Variants in TPPP observed in about 807,000 individuals in gnomAD.
TPPP encodes the protein tubulin polymerization promoting protein, also known as tubulin polymerization-promoting protein.
Under a neutral mutation model 15.5 loss-of-function variants are expected in TPPP, and 6 were observed. That is an observed-to-expected ratio of 0.39 (90% CI 0.21 to 0.77). The LOEUF is 0.77. Ranked by LOEUF, TPPP falls within the 30% of genes least tolerant of loss-of-function variation. The probability of loss-of-function intolerance (pLI) is 0.42; values close to 1 mark genes in which losing one functional copy is unlikely to be tolerated. For synonymous variants in TPPP, 146 were observed against 133.9 expected (o/e 1.09, Z -0.63); for missense variants, 269 against 307.2 (o/e 0.88, Z 0.93).
chr5:668,759 A>ACCAAACC (rs1446462726), intron 2 of TPPP, among the ~76,000 whole-genome samples: 1 of 152,244 alleles, frequency 6.6e-6, no homozygotes. Flanking sequence ...GCTCGTAGTC[A>ACCAAACC]CCAAACCCCA....
At chr5:693,201 G>A (rs1229343818) in intron 1 of TPPP, 77 bp downstream of exon 1, 2 of 141,650 alleles carry the variant, frequency 1.4e-5, no homozygotes, top group East Asian at 4.2e-4. Flanking sequence ...GGTGGCTGCT[G>A]GGGCTGACGG....
intron 2 of TPPP, among the ~76,000 whole-genome samples, chr5:675,422 G>A (rs377734403): frequency 1.7e-5 from 2 of 118,366 alleles, no homozygotes; most frequent in South Asian, 3.1e-4. Context: ...AGTGTGGCCA[G>A]GGGTGCAGCA....
chr5:670,291 G>A lies in TPPP; in HGVS notation c.312-4168C>T, dbSNP rs577678667. 1.8e-4 allele frequency among the ~76,000 whole-genome samples: 28 copies of A among 152,298 alleles called. No individual in the cohort carries two copies. The South Asian group carries it at 5.6e-3, about 30-fold the overall frequency. ...CCCATGGTGCCCTCTCTGAGGGGCG[G>A]GGGCCGGCGGGCGAGGTGACAGCTA... On this transcript the variant is annotated intron_variant, in intron 2 of 3. Coordinates refer to ENST00000360578, the MANE Select transcript of TPPP (RefSeq NM_007030.3).
chr5:693,600 G>A (rs1222926294), upstream of TPPP, among the ~76,000 whole-genome samples: 1 of 151,726 alleles, frequency 6.6e-6, no homozygotes, highest in Non-Finnish European at 1.5e-5. Flanking sequence ...AGCGCAGGGC[G>A]CGGCCGACCC....
chr5:693,528 C>T (rs928741072), upstream of TPPP: 4 of 151,706 alleles, frequency 2.6e-5, no homozygotes, highest in Non-Finnish European at 5.9e-5. Flanking sequence ...GCGGGCGCAC[C>T]GAGACCTCTG....
intron 2 of TPPP, among the ~76,000 whole-genome samples, chr5:671,662 A>AGT (rs1443195861): frequency 6.6e-6 from 1 of 152,170 alleles, no homozygotes; most frequent in Non-Finnish European, 1.5e-5. Context: ...TGAGGCCACA[A>AGT]GCTCCTGAAC....
At chr5:693,360 C>A (rs1186327929), upstream of TPPP, 4 of 148,934 alleles carry the variant, frequency 2.7e-5, no homozygotes, top group Non-Finnish European at 4.5e-5. Context: ...TCTCCAGCCG[C>A]CGCCCCGCGC....
chr5:694,037 GC>G (rs1740972140), upstream of TPPP, among the ~76,000 whole-genome samples: 2 of 129,060 alleles, frequency 1.5e-5, no homozygotes, highest in East Asian at 2.3e-4. Flanking sequence ...GAGGAGCGGA[GC>G]GCGCACCCCT....
intron 2 of TPPP, among the ~76,000 whole-genome samples, chr5:677,125 G>A (rs1000382831): frequency 5.9e-5 from 9 of 152,390 alleles, no homozygotes; most frequent in Middle Eastern, 3.4e-3. Flanking sequence ...TCAAGGTGGT[G>A]GCCGGAGCCG....
intron 1 of TPPP, among the ~76,000 whole-genome samples, chr5:688,824 G>A (rs560813063): frequency 1.4e-4 from 17 of 121,484 alleles, no homozygotes; most frequent in South Asian, 5.4e-4. Context: ...AGCGGGGGCC[G>A]GTGTGCGCAG....
At chr5:699,995 G>A in the TPPP span, among the ~76,000 whole-genome samples, 1 of 151,976 alleles carries the variant, frequency 6.6e-6, no homozygotes, top group Non-Finnish European at 1.5e-5. Flanking sequence ...ACTGTTGGGG[G>A]GAATGTAAAT....
chr5:668,060 A>G (rs369346382), intron 2 of TPPP, among the ~76,000 whole-genome samples: 4 of 31,152 alleles, frequency 1.3e-4, no homozygotes, highest in Admixed American at 7.2e-4. Flanking sequence ...TCAGGGAAGT[A>G]CCGACAAGCA....
intron 2 of TPPP, among the ~76,000 whole-genome samples, chr5:672,554 G>A (rs1159578444): frequency 1.3e-5 from 2 of 152,264 alleles, no homozygotes; most frequent in Non-Finnish European, 2.9e-5. Context: ...TAGGGGGCCA[G>A]TGAGCAAGGC....
chr5:686,541 G>A (rs1740772768), intron 1 of TPPP, among the ~76,000 whole-genome samples: 1 of 145,330 alleles, frequency 6.9e-6, no homozygotes, highest in African/African-American at 2.7e-5. Context: ...CCGGGTCCAG[G>A]GCACCTGCAG....
chr5:674,804 G>C (rs1352501219), intron 2 of TPPP, among the ~76,000 whole-genome samples: 1 of 151,818 alleles, frequency 6.6e-6, no homozygotes, highest in African/African-American at 2.4e-5. Context: ...GGGCTGGTCT[G>C]TCCTCCAGGC....
chr5:673,659 C>A (rs769195288), intron 2 of TPPP, among the ~76,000 whole-genome samples: 34 of 152,224 alleles, frequency 2.2e-4, no homozygotes, highest in Non-Finnish European at 4.6e-4. Flanking sequence ...CTCCCCCAGA[C>A]CTTGACCCTC....
chr5:672,218 T>G (rs1580083077), intron 2 of TPPP, among the ~76,000 whole-genome samples: 1 of 151,312 alleles, frequency 6.6e-6, no homozygotes, highest in Non-Finnish European at 1.5e-5. Context: ...GCCGGGGGGG[T>G]GTACCAGGCT....
At chr5:697,874 C>T (rs1414805672), upstream of TPPP, among the ~76,000 whole-genome samples, 24 of 143,362 alleles carry the variant, frequency 1.7e-4, no homozygotes, top group South Asian at 4.7e-4. Flanking sequence ...CAGACAAAGG[C>T]GCAACAAAAA....
chr5:699,648 C>T, the TPPP span, among the ~76,000 whole-genome samples: 1 of 151,780 alleles, frequency 6.6e-6, no homozygotes, highest in Non-Finnish European at 1.5e-5. Context: ...TTCTGCACAG[C>T]AAAAGAAACT....
Sources: allele counts gnomAD v4.1 joint callset (sites outside exome capture counted in the v4.1 genomes callset), GRCh38; gene constraint gnomAD v4.1.1; transcripts MANE v1.5; gene names NCBI Gene and HGNC (gene_info 2026-07-23, HGNC 2026-07-21).